Variants in EMID1 observed in about 807,000 individuals in gnomAD.
EMID1 encodes EMI domain containing 1, also known as EMI domain-containing protein 1.
Under a neutral mutation model 60.6 loss-of-function variants are expected in EMID1, and 40 were observed. The observed-to-expected ratio is 0.66, with a 90% confidence interval of 0.51 to 0.86. The LOEUF (loss-of-function observed/expected upper bound fraction) is 0.86. Ranked by LOEUF, EMID1 falls within the 40% of genes least tolerant of loss-of-function variation. The pLI, the probability that EMID1 is intolerant of heterozygous loss-of-function variation, is 0.00. For missense variants in EMID1, 585 were observed against 597.1 expected (o/e 0.98, Z 0.21); for synonymous variants, 242 against 231.0 (o/e 1.05, Z -0.43).
chr22:29,240,121 A>G (rs79704889), intron 12 of EMID1, among the ~76,000 whole-genome samples: 4,327 of 152,280 alleles, frequency 0.028, 95 homozygotes, highest in Non-Finnish European at 0.046. Context: ...CCTAGGTCTC[A>G]GTCTTTAGAT....
chr22:29,209,069 T>C (rs932208478), intron 1 of EMID1, among the ~76,000 whole-genome samples: 1 of 151,992 alleles, frequency 6.6e-6, no homozygotes, highest in African/African-American at 2.4e-5. Context: ...GCCCGCCCGG[T>C]CCTTTCTTTC....
chr22:29,234,432 C>A, intron 12 of EMID1, 83 bp downstream of exon 12: 1 of 1,486,434 alleles, frequency 6.7e-7, no homozygotes, highest in South Asian at 1.2e-5. Flanking sequence ...CCCCTGCAAC[C>A]AGAGCTTCTA....
At chr22:29,234,818 G>A (rs1601987063) in intron 12 of EMID1, among the ~76,000 whole-genome samples, 1 of 151,800 alleles carries the variant, frequency 6.6e-6, no homozygotes, top group East Asian at 1.9e-4. Flanking sequence ...TAGCACACCA[G>A]CTTTCTTATG....
rs1196076057 is a variant in EMID1, at chr22:29,259,191, G to C, written c.*247G>C. On this transcript the variant is annotated 3_prime_UTR_variant, in exon 15 of 15. Transcript: ENST00000334018. ...GAAGTGGGGGGAGGCAGGCCTTCAA[G>C]GAGGGATAGAGGTACAAGGCTTCGT... 6 of 567,104 alleles carry C rather than the reference G, an allele frequency of 1.1e-5. No individual in the cohort carries two copies. The highest frequency in any genetic ancestry group is 2.0e-5 in the African/African-American group (1 of 50,966). 35.1% of individuals were successfully genotyped at this position (567,104 alleles called of 1,614,324 possible).
intron 13 of EMID1, among the ~76,000 whole-genome samples, chr22:29,250,767 T>TTTTTTTTTTAG (rs2041499655): frequency 9.3e-6 from 1 of 107,824 alleles, no homozygotes; most frequent in Non-Finnish European, 1.9e-5. Context: ...TTTTTTTTTT[T>TTTTTTTTTTAG]TAGTAGTAGT....
intron 14 of EMID1, among the ~76,000 whole-genome samples, chr22:29,258,132 A>C (rs1327650500): frequency 1.3e-5 from 2 of 152,154 alleles, no homozygotes; most frequent in African/African-American, 4.8e-5. Context: ...CTCCTCCCTG[A>C]GTGTCCATCT....
At chr22:29,241,413 A>T (rs2041148922) in intron 12 of EMID1, among the ~76,000 whole-genome samples, 1 of 151,176 alleles carries the variant, frequency 6.6e-6, no homozygotes, top group Non-Finnish European at 1.5e-5. Context: ...TTTCGAGATG[A>T]CTCTCGCCCT....
At chr22:29,243,182 T>C (rs535196487) in intron 12 of EMID1, among the ~76,000 whole-genome samples, 147 of 152,276 alleles carry the variant, frequency 9.7e-4, no homozygotes, top group Non-Finnish European at 5.4e-4. Context: ...AGGTGCACCC[T>C]CTGAGGAAAA....
At chr22:29,242,582 G>C (rs1434461310) in intron 12 of EMID1, among the ~76,000 whole-genome samples, 1 of 152,008 alleles carries the variant, frequency 6.6e-6, no homozygotes, top group Admixed American at 6.6e-5. Context: ...GTAATTTTTT[G>C]TTGCACACTG....
At chr22:29,254,409 GCAA>G in intron 14 of EMID1, 122 bp downstream of exon 14, 1 of 930,710 alleles carries the variant, frequency 1.1e-6, no homozygotes, top group Non-Finnish European at 1.7e-6. Context: ...CCTGCCCCAG[GCAA>G]GCATGGACCT....
At chr22:29,214,202 G>C (rs1032018537) in intron 1 of EMID1, among the ~76,000 whole-genome samples, 3 of 152,202 alleles carry the variant, frequency 2.0e-5, no homozygotes, top group Admixed American at 1.3e-4. Context: ...GCATGCTGGC[G>C]GAGGGGGCAG....
intron 13 of EMID1, among the ~76,000 whole-genome samples, chr22:29,252,913 G>A (rs948779249): frequency 6.6e-6 from 1 of 152,218 alleles, no homozygotes; most frequent in African/African-American, 2.4e-5. Flanking sequence ...GAAGACCTGG[G>A]GAAGGGACAG....
intron 3 of EMID1, among the ~76,000 whole-genome samples, chr22:29,217,383 G>A (rs1265100675): frequency 6.6e-6 from 1 of 152,272 alleles, no homozygotes; most frequent in African/African-American, 2.4e-5. Context: ...CCCAGCGTGG[G>A]TATGGGATAT....
At chr22:29,252,901 G>A (rs990526217) in intron 13 of EMID1, among the ~76,000 whole-genome samples, 4 of 152,232 alleles carry the variant, frequency 2.6e-5, no homozygotes, top group East Asian at 1.9e-4. Flanking sequence ...AGCCCAAAGC[G>A]TGAAGACCTG....
chr22:29,215,121 G>A (rs2040035582), intron 2 of EMID1, 82 bp downstream of exon 2: 2 of 1,451,654 alleles, frequency 1.4e-6, no homozygotes, highest in African/African-American at 2.8e-5. Context: ...GACTGCATGG[G>A]GAGTGTGGGG....
At chr22:29,241,491 C>T (rs1369416060) in intron 12 of EMID1, among the ~76,000 whole-genome samples, 2 of 152,024 alleles carry the variant, frequency 1.3e-5, no homozygotes, top group East Asian at 1.9e-4. Flanking sequence ...CGGGTTCAAG[C>T]GATTCTCCTG....
intron 3 of EMID1, among the ~76,000 whole-genome samples, chr22:29,219,713 T>C (rs1193937116): frequency 1.3e-5 from 2 of 152,146 alleles, no homozygotes; most frequent in African/African-American, 4.8e-5. Context: ...GCCCAGGAGT[T>C]CAAGTCTGCA....
intron 3 of EMID1, among the ~76,000 whole-genome samples, chr22:29,221,438 G>C (rs974541547): frequency 6.6e-6 from 1 of 152,186 alleles, no homozygotes; most frequent in East Asian, 1.9e-4. Context: ...GCAGTGGCGC[G>C]ATCTCGGCTC....
At chr22:29,211,875 C>A (rs2039898944) in intron 1 of EMID1, among the ~76,000 whole-genome samples, 1 of 152,248 alleles carries the variant, frequency 6.6e-6, no homozygotes, top group South Asian at 2.1e-4. Flanking sequence ...TTAACCTGTA[C>A]ACCAAGTTTT....
Sources: allele counts gnomAD v4.1 joint callset (sites outside exome capture counted in the v4.1 genomes callset), GRCh38; gene constraint gnomAD v4.1.1; transcripts MANE v1.5; gene names NCBI Gene and HGNC (gene_info 2026-07-23, HGNC 2026-07-21).